The following BAG3 variants were observed in gnomAD, a reference collection of about 807,000 sequenced individuals.
BAG3 encodes the protein BAG cochaperone 3, also known as BAG family molecular chaperone regulator 3.
BAG3 carries 14 observed loss-of-function variants against 40.5 expected under a neutral mutation model. The observed-to-expected ratio is 0.35, with a 90% CI of 0.23 to 0.54. The LOEUF is 0.54. BAG3 is among the 20% of genes least tolerant of loss of function. The pLI is 0.91. For synonymous variants in BAG3, 302 were observed against 307.8 expected, an observed-to-expected ratio of 0.98 and a Z score of 0.20; for missense variants, 788 against 758.6, an observed-to-expected ratio of 1.04 and a Z score of -0.46.
At position 119,677,686 on chromosome 10, in the gene BAG3, T is replaced by A; in HGVS notation, c.*404T>A. 1 of 242,084 alleles carries A rather than the reference T, an allele frequency of 4.1e-6. No individual in the cohort carries two copies. 15.0% of individuals were successfully genotyped at this position (242,084 alleles called of 1,614,324 possible). A position where few individuals can be genotyped will look rare whatever the true frequency, so the allele number is the denominator to read the frequency against. On this transcript the variant is annotated 3_prime_UTR_variant, in exon 4 of 4. Transcript: ENST00000369085. ...TGTTGCCATTTTAATGAGATGATTT[T>A]CTTCATCTCATAATTAAAATACCTG...
intron 1 of BAG3, among the ~76,000 whole-genome samples, chr10:119,664,893 A>G (rs1847037393): frequency 6.6e-6 from 1 of 152,072 alleles, no homozygotes; most frequent in Non-Finnish European, 1.5e-5. Flanking sequence ...AGGGCAATTT[A>G]ACTCTTCCAG....
At chr10:119,662,472 C>G (rs1847007580) in intron 1 of BAG3, among the ~76,000 whole-genome samples, 2 of 152,040 alleles carry the variant, frequency 1.3e-5, no homozygotes, top group African/African-American at 4.8e-5. Flanking sequence ...TGGGGAGTTC[C>G]AGGATTTCTG....
chr10:119,676,163 T>A (rs1030414497), intron 3 of BAG3, among the ~76,000 whole-genome samples: 1 of 151,470 alleles, frequency 6.6e-6, no homozygotes, highest in African/African-American at 2.4e-5. Context: ...TTTTTGAAAA[T>A]TTTATTGGGT....
chr10:119,665,126 G>GTA lies in BAG3; in HGVS notation c.181-4707_181-4706dup, dbSNP rs71016598. On this transcript the variant is annotated intron_variant, in intron 1 of 3. Transcript: ENST00000369085. ...TGTGTGTGTGTGTGTGTGTGTGTGT[G>GTA]TATATATATATATATATATTTTTTT... Among the ~76,000 whole-genome samples the GTA allele has an allele frequency of 3.3e-3, 130 of 39,136 alleles. 1 individual carries two copies. The highest frequency in any genetic ancestry group is 7.7e-3 in the East Asian group (18 of 2,350). The allele number at this position is 39,136 out of a possible 152,430, so 25.7% of individuals were successfully genotyped here.
intron 1 of BAG3, among the ~76,000 whole-genome samples, chr10:119,665,597 T>A (rs1051505375): frequency 3.9e-5 from 6 of 152,118 alleles, no homozygotes; most frequent in African/African-American, 1.4e-4. Flanking sequence ...GTTTTTTACT[T>A]AGTAAAAGCG....
intron 1 of BAG3, among the ~76,000 whole-genome samples, chr10:119,654,511 A>C: frequency 6.6e-6 from 1 of 152,358 alleles, no homozygotes; most frequent in East Asian, 1.9e-4. Context: ...CTCCTGAAGT[A>C]GTTAGGACAA....
Position 119,676,969 on chromosome 10 carries a change from G to C in BAG3, c.1415G>C (p.Gly472Ala). The C allele has an allele frequency of 6.2e-7, 1 of 1,614,182 alleles. No individual in the cohort carries two copies. Among genetic ancestry groups the C allele is most frequent in the Non-Finnish European group, 8.5e-7 (1 of 1,180,028 alleles). The change falls in exon 4 of 4, where the codon GGA becomes GCA. Residue 472 changes from glycine to alanine, a missense_variant. Transcript: ENST00000369085. ...LLALDSVDPE[G>A]RADVRQARRD... Reference sequence around the variant, plus strand: ...GCCCTGGATTCAGTGGACCCCGAGGGACGAGCCGATGTGCGTCAGGCCAGG... The same window carrying C: ...GCCCTGGATTCAGTGGACCCCGAGGCACGAGCCGATGTGCGTCAGGCCAGG...
chr10:119,654,125 T>G (rs1846879866), intron 1 of BAG3, among the ~76,000 whole-genome samples: 1 of 152,260 alleles, frequency 6.6e-6, no homozygotes, highest in African/African-American at 2.4e-5. Flanking sequence ...ACACACAATA[T>G]CAGGTTGCAC....
chr10:119,660,413 T>G (rs1846976900), intron 1 of BAG3, among the ~76,000 whole-genome samples: 1 of 152,196 alleles, frequency 6.6e-6, no homozygotes, highest in Non-Finnish European at 1.5e-5. Context: ...GCTCTTTGCT[T>G]CCAGGCTGTG....
intron 1 of BAG3, among the ~76,000 whole-genome samples, chr10:119,665,570 C>T (rs1367494791): frequency 1.3e-5 from 2 of 152,050 alleles, no homozygotes; most frequent in East Asian, 1.9e-4. Context: ...TGAGCCACCA[C>T]GCCTGGCCCA....
chr10:119,673,441 G>A (rs1027513321), intron 3 of BAG3, among the ~76,000 whole-genome samples: 1 of 152,228 alleles, frequency 6.6e-6, no homozygotes, highest in Admixed American at 6.5e-5. Context: ...GCCTGGGGAA[G>A]GTTGTAGGCA....
At position 119,664,169 on chromosome 10, in the gene BAG3, C is replaced by T. The variant is rs1847029291; in HGVS notation, c.181-5682C>T. ...CAGTTTAGACCTGCTCTTAAGCAAACGAGCCCAACAGCTCACCAAAGCTCA... is the reference window on the plus strand; with the variant it reads ...CAGTTTAGACCTGCTCTTAAGCAAATGAGCCCAACAGCTCACCAAAGCTCA... On this transcript the variant is annotated intron_variant, in intron 1 of 3. Transcript: ENST00000369085. Among the ~76,000 whole-genome samples the T allele has an allele frequency of 1.3e-5, 2 of 152,172 alleles. 1 individual carries two copies. Among genetic ancestry groups the T allele is most frequent in the South Asian group, 4.1e-4 (2 of 4,834 alleles).
intron 3 of BAG3, among the ~76,000 whole-genome samples, chr10:119,675,823 TC>T (rs1330273255): frequency 2.7e-5 from 1 of 36,980 alleles, no homozygotes. Context: ...CCTGCTTCCT[TC>T]CCCCTTCCCC....
chr10:119,654,653 C>G (rs1360042069), intron 1 of BAG3, among the ~76,000 whole-genome samples: 3 of 152,236 alleles, frequency 2.0e-5, no homozygotes, highest in African/African-American at 4.8e-5. Context: ...CACCTGCAGT[C>G]TTCCTGGATT....
intron 3 of BAG3, among the ~76,000 whole-genome samples, chr10:119,675,761 T>TTCCTTCCCTCCTTCCC (rs148952976): frequency 0.42 from 34,146 of 80,526 alleles, 9,428 homozygotes; most frequent in Middle Eastern, 0.47. Context: ...CTTTCCTTCC[T>TTCCTTCCCTCCTTCCC]TCCTTCCCTC....
chr10:119,662,973 C>T (rs1847013735), intron 1 of BAG3, among the ~76,000 whole-genome samples: 1 of 152,184 alleles, frequency 6.6e-6, no homozygotes. Context: ...CGAGATCGCG[C>T]CACTGCACTC....
At chr10:119,674,964 G>A (rs1454134403) in intron 3 of BAG3, among the ~76,000 whole-genome samples, 3 of 147,954 alleles carry the variant, frequency 2.0e-5, no homozygotes, top group South Asian at 2.1e-4. Context: ...GTGACAGAGC[G>A]AGGCTCCGTC....
Position 119,672,601 on chromosome 10 carries a change from C to A in BAG3, c.854C>A (p.Thr285Lys). 1 of 1,614,124 alleles carries A rather than the reference C, an allele frequency of 6.2e-7. No individual in the cohort carries two copies. Among genetic ancestry groups the A allele is most frequent in the Non-Finnish European group, 8.5e-7 (1 of 1,180,018 alleles). ...GAGGGCTCACCAGCCAGGAGCAGCA[C>A]GCCACTCCACTCCCCCTCGCCCATC... ...SREGSPARSS[T>K]PLHSPSPIRV... Residue 285 changes from threonine (T) to lysine (K), a missense_variant, in exon 3 of 4, where the codon ACG becomes AAG. Coordinates refer to ENST00000369085, the MANE Select transcript of BAG3 (RefSeq NM_004281.4). This position sits in a 1 kb window ranked among gnomAD's most constrained non-coding sequence, Gnocchi z 4.8.
chr10:119,659,271 G>C (rs1035756723), intron 1 of BAG3, among the ~76,000 whole-genome samples: 10 of 152,202 alleles, frequency 6.6e-5, no homozygotes, highest in Non-Finnish European at 1.3e-4. Flanking sequence ...CCTCCACTGT[G>C]CTGTGTAGAG....
Sources: gnomAD v4.1 joint callset for allele counts (sites outside exome capture counted in the v4.1 genomes callset) on GRCh38, gnomAD v4.1.1 for gene constraint, Gnocchi (gnomAD v3.1) non-coding constraint, MANE v1.5 for transcripts, NCBI Gene and HGNC (gene_info 2026-07-23, HGNC 2026-07-21) for gene names.